The following MGST1 variants were observed in gnomAD, a reference collection of about 807,000 sequenced individuals.
MGST1 encodes glutathione S-transferase 12.
A neutral mutation model predicts 8.9 loss-of-function variants in MGST1; 5 were observed. The observed-to-expected ratio is 0.56, with a 90% CI of 0.29 to 1.19. The LOEUF (loss-of-function observed/expected upper bound fraction) is 1.19. Ranked by LOEUF, MGST1 falls within the 50% of genes most tolerant of loss-of-function variation. The pLI is 0.08. For synonymous variants in MGST1, 54 were observed against 67.8 expected (o/e 0.80, Z 1.00); for missense variants, 182 against 187.4 (o/e 0.97, Z 0.17).
chr12:16,351,649 A>C (rs1939469807), intron 1 of MGST1, among the ~76,000 whole-genome samples: 1 of 152,054 alleles, frequency 6.6e-6, no homozygotes, highest in African/African-American at 2.4e-5. Context: ...GTCTTTACTA[A>C]AAATACAAAA....
At chr12:16,554,134 AGCT>A (rs1186957689) in intron 4 of MGST1, among the ~76,000 whole-genome samples, 16 of 152,184 alleles carry the variant, frequency 1.1e-4, no homozygotes, top group Admixed American at 7.9e-4. Flanking sequence ...TGAGTGATTT[AGCT>A]GACTTCATAT....
chr12:16,395,658 G>T (rs1232453016), intron 1 of MGST1, among the ~76,000 whole-genome samples: 1 of 151,354 alleles, frequency 6.6e-6, no homozygotes, highest in Non-Finnish European at 1.5e-5. Flanking sequence ...TTATGAGTGA[G>T]AACATAAAAT....
intron 4 of MGST1, among the ~76,000 whole-genome samples, chr12:16,575,201 A>G (rs1942955460): frequency 6.6e-6 from 1 of 152,198 alleles, no homozygotes; most frequent in Non-Finnish European, 1.5e-5. Flanking sequence ...TTGCAGCTCA[A>G]AATTCATAAA....
chr12:16,486,428 T>C (rs963949222), intron 4 of MGST1, among the ~76,000 whole-genome samples: 4 of 152,338 alleles, frequency 2.6e-5, no homozygotes, highest in African/African-American at 7.2e-5. Flanking sequence ...AAATGCTTAT[T>C]TGAAAAATGT....
At chr12:16,551,408 A>G (rs1941985190) in intron 4 of MGST1, 1 of 814,924 alleles carries the variant, frequency 1.2e-6, no homozygotes, top group African/African-American at 1.7e-5. Context: ...TTTCCTATTA[A>G]TAGTTTCGCA....
chr12:16,392,353 A>C (rs1274474835), intron 1 of MGST1, among the ~76,000 whole-genome samples: 5 of 152,158 alleles, frequency 3.3e-5, no homozygotes, highest in Admixed American at 3.3e-4. Context: ...AGCATGGTTA[A>C]TTTCATTGGC....
chr12:16,360,403 T>G, intron 3 of MGST1: 1 of 977,938 alleles, frequency 1.0e-6, no homozygotes, highest in Non-Finnish European at 1.2e-6. Flanking sequence ...ATTGTGAAAG[T>G]TAATACATAC....
intron 4 of MGST1, among the ~76,000 whole-genome samples, chr12:16,523,554 G>C (rs1052354936): frequency 6.6e-6 from 1 of 151,724 alleles, no homozygotes; most frequent in East Asian, 2.0e-4. Flanking sequence ...CTTCATTCTG[G>C]TGATGCTTTC....
chr12:16,486,816 A>G (rs547195402), intron 4 of MGST1, among the ~76,000 whole-genome samples: 8 of 152,304 alleles, frequency 5.3e-5, no homozygotes, highest in African/African-American at 1.9e-4. Flanking sequence ...CAGGAAAAGG[A>G]CTGGTGCTCC....
At chr12:16,543,463 G>A (rs1442160513) in intron 4 of MGST1, among the ~76,000 whole-genome samples, 1 of 152,066 alleles carries the variant, frequency 6.6e-6, no homozygotes, top group Non-Finnish European at 1.5e-5. Flanking sequence ...TTTGGCCCAT[G>A]TCTACCTAAT....
intron 2 of MGST1, among the ~76,000 whole-genome samples, chr12:16,355,622 T>A (rs553430344): frequency 7.2e-5 from 11 of 152,330 alleles, no homozygotes; most frequent in Non-Finnish European, 1.5e-4. Flanking sequence ...CCACACTGAC[T>A]TCTAGACACA....
At chr12:16,367,418 G>A (rs1410861223), downstream of MGST1, 1 of 152,226 alleles carries the variant, frequency 6.6e-6, no homozygotes, top group Non-Finnish European at 1.5e-5. Flanking sequence ...GAAATGCATG[G>A]AAACAGACTT....
intron 4 of MGST1, among the ~76,000 whole-genome samples, chr12:16,444,116 C>G (rs1243062326): frequency 6.6e-6 from 1 of 151,370 alleles, no homozygotes; most frequent in African/African-American, 2.4e-5. Context: ...TCTGATCAAT[C>G]CTTGTTTGCT....
Position 16,401,500 on chromosome 12 carries a change from A to T in MGST1, n.778+17896A>T. The T allele has an allele frequency of 1.2e-6, 1 of 858,364 alleles. No homozygotes were observed. Among genetic ancestry groups the T allele is most frequent in the Non-Finnish European group, 2.0e-6 (1 of 504,548 alleles). 53.2% of individuals were successfully genotyped at this position (858,364 alleles called of 1,614,324 possible). A position where few individuals can be genotyped will look rare whatever the true frequency, so the allele number is the denominator to read the frequency against. On this transcript the variant is annotated intron_variant and non_coding_transcript_variant, in intron 1 of 1. Transcript: ENST00000359720. This position sits in a 1 kb window ranked among gnomAD's most constrained non-coding sequence, Gnocchi z 4.3. ...TAATTCCTTCAGCAGCTCTTCTTGAAGCTGGAGTAAAAAGTTGTAATTTTC... is the reference window on the plus strand; with the variant it reads ...TAATTCCTTCAGCAGCTCTTCTTGATGCTGGAGTAAAAAGTTGTAATTTTC...
intron 4 of MGST1, among the ~76,000 whole-genome samples, chr12:16,529,500 T>C (rs1046245947): frequency 4.6e-5 from 7 of 152,044 alleles, no homozygotes; most frequent in African/African-American, 1.7e-4. Context: ...CTATCAACAA[T>C]TTCATTGTCG....
chr12:16,380,828 T>A (rs1940446291), downstream of MGST1, among the ~76,000 whole-genome samples: 1 of 152,204 alleles, frequency 6.6e-6, no homozygotes, highest in South Asian at 2.1e-4. Context: ...TGGGTGCTCC[T>A]GTATTGGGTG....
In MGST1 at chr12:16,546,657, G is replaced by A. The variant is rs1417638661; in HGVS notation, n.483-42871G>A. Reference sequence around the variant, plus strand: ...GTGTGTAATTGTTAACACCTGCTATGTGTTACCAACAGATGTTTCTTACTT... The same window carrying A: ...GTGTGTAATTGTTAACACCTGCTATATGTTACCAACAGATGTTTCTTACTT... On this transcript the variant is annotated intron_variant and non_coding_transcript_variant, in intron 4 of 4. Transcript: ENST00000538857. This position sits in a 1 kb window ranked among gnomAD's most constrained non-coding sequence, Gnocchi z 4.7. Among the ~76,000 whole-genome samples, 1 of 152,118 alleles carries A rather than the reference G, an allele frequency of 6.6e-6. No homozygotes were observed. The highest frequency in any genetic ancestry group is 1.5e-5 in the Non-Finnish European group (1 of 67,990).
chr12:16,547,617 ATAG>A lies in MGST1; in HGVS notation n.483-41907_483-41905del, dbSNP rs1423633795. The stretch of plus-strand genomic sequence containing the variant: ...GAATGCTCAGGGAGAGGCCTGTCAC[ATAG>A]TAGGTGCGCAATAAATGTCAATTAA... On this transcript the variant is annotated intron_variant and non_coding_transcript_variant, in intron 4 of 4. Transcript: ENST00000538857. The surrounding 1 kb of genome is among the most constrained non-coding windows in gnomAD (Gnocchi z 4.6). 1.3e-5 allele frequency among the ~76,000 whole-genome samples: 2 copies of A among 152,160 alleles called. No homozygotes were observed. Among genetic ancestry groups the A allele is most frequent in the East Asian group, 3.9e-4 (2 of 5,184 alleles).
chr12:16,400,000 G>A (rs1940640734), intron 1 of MGST1: 2 of 1,485,662 alleles, frequency 1.3e-6, no homozygotes, highest in Non-Finnish European at 1.9e-6. Flanking sequence ...ACTCCTGTAG[G>A]GAGCTCTGTT....
Sources: gnomAD v4.1 joint callset for allele counts (sites outside exome capture counted in the v4.1 genomes callset) on GRCh38, gnomAD v4.1.1 for gene constraint, Gnocchi (gnomAD v3.1) non-coding constraint, MANE v1.5 for transcripts, NCBI Gene and HGNC (gene_info 2026-07-23, HGNC 2026-07-21) for gene names.